STRN: variants seen among roughly 807,000 people sequenced by gnomAD.
The protein encoded by STRN is protein phosphatase 2 regulatory subunit B'''alpha.
STRN carries 53 observed loss-of-function variants against 96.3 expected under a neutral mutation model. The observed-to-expected ratio is 0.55, with a 90% CI of 0.44 to 0.69. The LOEUF is 0.69. Ranked by LOEUF, STRN falls within the 30% of genes least tolerant of loss-of-function variation. The pLI is 0.00. For synonymous variants in STRN, 428 were observed against 355.9 expected, an observed-to-expected ratio of 1.20 and a Z score of -2.28; for missense variants, 987 against 963.9, an observed-to-expected ratio of 1.02 and a Z score of -0.32.
At chr2:36,897,627 C>G (rs1669578832) in intron 6 of STRN, among the ~76,000 whole-genome samples, 1 of 151,700 alleles carries the variant, frequency 6.6e-6, no homozygotes, top group South Asian at 2.1e-4. Flanking sequence ...TTAGTAGAGA[C>G]AGGGTTTCAC....
chr2:36,945,442 C>A (rs1010642685), intron 1 of STRN, among the ~76,000 whole-genome samples: 1 of 152,082 alleles, frequency 6.6e-6, no homozygotes, highest in African/African-American at 2.4e-5. Flanking sequence ...CCGCGGCAGG[C>A]GGATCATGAG....
chr2:36,936,061 G>A (rs1670692960), intron 1 of STRN, among the ~76,000 whole-genome samples: 1 of 151,924 alleles, frequency 6.6e-6, no homozygotes, highest in South Asian at 2.1e-4. Flanking sequence ...AAGCAGATAG[G>A]AAATATCATG....
At chr2:36,862,974 C>A (rs755328231) in intron 12 of STRN, among the ~76,000 whole-genome samples, 11 of 152,168 alleles carry the variant, frequency 7.2e-5, no homozygotes, top group African/African-American at 2.7e-4. Context: ...CCGCCCGCCT[C>A]GGCCTCCCAA....
At chr2:36,882,534 A>G (rs1669102009) in intron 9 of STRN, among the ~76,000 whole-genome samples, 1 of 152,288 alleles carries the variant, frequency 6.6e-6, no homozygotes, top group South Asian at 2.1e-4. Flanking sequence ...TGGGAGGCCG[A>G]CGCAGTTGGA....
In STRN at chr2:36,845,164, A is replaced by G. The variant is rs1435037443; in HGVS notation, c.*4292T>C. On this transcript the variant is annotated 3_prime_UTR_variant, in exon 18 of 18. Coordinates refer to ENST00000263918, the MANE Select transcript of STRN (RefSeq NM_003162.4). The stretch of plus-strand genomic sequence containing the variant: ...ATGTAAGTTCAATAATTATTTGGCT[A>G]TTGGTTGAAAACATCACACAGACAG... The G allele has an allele frequency of 6.6e-6, 1 of 152,164 alleles. No individual in the cohort carries two copies. The highest frequency in any genetic ancestry group is 2.4e-5 in the African/African-American group (1 of 41,452). The allele number at this position is 152,164 out of a possible 1,614,324, so 9.4% of individuals were successfully genotyped here. A position where few individuals can be genotyped will look rare whatever the true frequency, so the allele number is the denominator to read the frequency against.
intron 2 of STRN, among the ~76,000 whole-genome samples, chr2:36,923,264 T>A (rs1310933548): frequency 6.6e-6 from 1 of 150,714 alleles, no homozygotes; most frequent in Admixed American, 6.6e-5. Flanking sequence ...GTCTGACCAA[T>A]ATGGTGAAAC....
intron 2 of STRN, among the ~76,000 whole-genome samples, chr2:36,922,265 T>C (rs2148226988): frequency 6.6e-6 from 1 of 152,256 alleles, no homozygotes; most frequent in South Asian, 2.1e-4. Flanking sequence ...ACGCCTATAA[T>C]CACGGCACTT....
chr2:36,865,411 G>A (rs1484837010), intron 12 of STRN, among the ~76,000 whole-genome samples: 1 of 151,648 alleles, frequency 6.6e-6, no homozygotes, highest in Non-Finnish European at 1.5e-5. Flanking sequence ...TTATTCTTTC[G>A]AAGAACCAAC....
intron 10 of STRN, among the ~76,000 whole-genome samples, chr2:36,873,609 G>C (rs1361916539): frequency 6.6e-6 from 1 of 151,950 alleles, no homozygotes; most frequent in Non-Finnish European, 1.5e-5. Context: ...GGAGATAAAA[G>C]ACAAGATTGA....
rs181410975 is a variant in STRN at position 36,906,487 on chromosome 2, G to A, written c.413-869C>T. Reference sequence around the variant, plus strand: ...ACAATGAATGAATGAATGAATGAATGAATGAGTAACAAATAAATAATTTTT... The same window carrying A: ...ACAATGAATGAATGAATGAATGAATAAATGAGTAACAAATAAATAATTTTT... On this transcript the variant is annotated intron_variant, in intron 3 of 17. Coordinates refer to ENST00000263918, the MANE Select transcript of STRN (RefSeq NM_003162.4). 2.0e-5 allele frequency among the ~76,000 whole-genome samples: 3 copies of A among 152,014 alleles called. No individual in the cohort carries two copies. In the East Asian group the frequency reaches 5.8e-4, roughly 29 times the overall value.
Position 36,894,018 on chromosome 2 carries a change from C to T in STRN, c.811G>A (p.Ala271Thr), listed in dbSNP as rs1430120162. 1 of 1,611,838 alleles carries T rather than the reference C, an allele frequency of 6.2e-7. No individual in the cohort carries two copies. Among genetic ancestry groups the T allele is most frequent in the Admixed American group, 1.7e-5 (1 of 59,566 alleles). Residue 271 changes from alanine to threonine, a missense_variant, in exon 7 of 18, where the codon GCA becomes ACA. Ala to Thr is a moderately conservative substitution (Grantham distance 58, BLOSUM62 0). Coordinates refer to ENST00000263918, the MANE Select transcript of STRN (RefSeq NM_003162.4). The part of the protein sequence containing the change: ...IDTSTIVRKK[A>T]LPDSGEDRDT... ...CGATCTTCACCGCTGTCAGGCAATG[C>T]TTTTTTCCTAACAATCTAATGAAAA...
At chr2:36,880,440 T>TA (rs1306349693) in intron 9 of STRN, among the ~76,000 whole-genome samples, 1 of 152,020 alleles carries the variant, frequency 6.6e-6, no homozygotes, top group Non-Finnish European at 1.5e-5. Flanking sequence ...ACCATGTCTT[T>TA]AAAAAAAATT....
In STRN at chr2:36,965,700, C is replaced by A. The variant is rs535919540; in HGVS notation, c.234+530G>T. On this transcript the variant is annotated intron_variant, in intron 1 of 17. Transcript: ENST00000263918. ...CATTTACATATATAAAAAAAGGGAT[C>A]TGATATATGAATAACACTTTTGCCC... Among the ~76,000 whole-genome samples, 9 of 152,252 alleles carry A rather than the reference C, an allele frequency of 5.9e-5. 1 individual carries two copies. The South Asian group carries it at 1.9e-3, about 32-fold the overall frequency.
rs1668075076 is a variant in STRN at position 36,846,390 on chromosome 2, TA to T, written c.*3065del. 6 of 26,384 alleles carry T rather than the reference TA, an allele frequency of 2.3e-4. No individual in the cohort carries two copies. Among genetic ancestry groups the T allele is most frequent in the East Asian group, 8.8e-4 (1 of 1,136 alleles). The allele number at this position is 26,384 out of a possible 1,614,324, so 1.6% of individuals were successfully genotyped here. A position where few individuals can be genotyped will look rare whatever the true frequency, so the allele number is the denominator to read the frequency against. The stretch of plus-strand genomic sequence containing the variant: ...AACAGTAAAATGCACCTATGGTTTA[TA>T]TATATATATATATATATATATATAT... On this transcript the variant is annotated 3_prime_UTR_variant, in exon 18 of 18. Transcript: ENST00000263918.
At chr2:36,921,508 C>G (rs1160916596) in intron 2 of STRN, among the ~76,000 whole-genome samples, 1 of 152,214 alleles carries the variant, frequency 6.6e-6, no homozygotes, top group Non-Finnish European at 1.5e-5. Flanking sequence ...CATGCGTCCC[C>G]TTCACATATC....
intron 7 of STRN, among the ~76,000 whole-genome samples, chr2:36,889,361 T>C (rs145534531): frequency 2.0e-5 from 3 of 152,116 alleles, no homozygotes; most frequent in African/African-American, 4.8e-5. Flanking sequence ...AATCTATCAA[T>C]AGGAGAAACA....
chr2:36,860,306 C>T (rs1668443875), intron 13 of STRN, among the ~76,000 whole-genome samples: 1 of 151,990 alleles, frequency 6.6e-6, no homozygotes, highest in South Asian at 2.1e-4. Context: ...GATCCTCTGG[C>T]AGAGAGGTAA....
chr2:36,890,878 A>G (rs1427967013), intron 7 of STRN, among the ~76,000 whole-genome samples: 1 of 152,222 alleles, frequency 6.6e-6, no homozygotes, highest in Non-Finnish European at 1.5e-5. Flanking sequence ...AGAAGAAGTC[A>G]GCTGGACTTA....
chr2:36,957,917 ATTTTT>A (rs1188068591), intron 1 of STRN, among the ~76,000 whole-genome samples: 1 of 90,414 alleles, frequency 1.1e-5, no homozygotes, highest in East Asian at 3.0e-4. Flanking sequence ...CGCCCAGCTA[ATTTTT>A]TTTTTTTTTT....
Sources: gnomAD v4.1 joint callset for allele counts (sites outside exome capture counted in the v4.1 genomes callset) on GRCh38, gnomAD v4.1.1 for gene constraint, MANE v1.5 for transcripts, NCBI Gene and HGNC (gene_info 2026-07-23, HGNC 2026-07-21) for gene names.